The following WDR33 variants were observed in gnomAD, a reference collection of about 807,000 sequenced individuals.
WDR33 encodes pre-mRNA 3' end processing protein WDR33.
A neutral mutation model predicts 164.9 loss-of-function variants in WDR33; 47 were observed. The ratio of observed to expected loss-of-function variants is 0.29; its 90% confidence interval spans 0.23 to 0.36. The LOEUF is 0.36. Among genes scored for constraint, WDR33 ranks in the 10% least tolerant of loss-of-function variants. WDR33 has a pLI of 1.00. For synonymous variants in WDR33, 505 were observed against 589.0 expected (o/e 0.86, Z 2.06); for missense variants, 1,137 against 1,754.1 (o/e 0.65, Z 6.28).
chr2:127,730,943 A>G (rs997080288), intron 7 of WDR33, among the ~76,000 whole-genome samples: 11 of 102,788 alleles, frequency 1.1e-4, no homozygotes, highest in Admixed American at 2.9e-4. Context: ...AATATGAAGG[A>G]AAAAAAAAAC....
intron 18 of WDR33, among the ~76,000 whole-genome samples, chr2:127,711,780 A>ATATATATATTTTTTT: frequency 3.4e-5 from 3 of 88,320 alleles, no homozygotes; most frequent in African/African-American, 1.9e-4. Flanking sequence ...ATATATATAT[A>ATATATATATTTTTTT]TTTTTTTTTT....
At chr2:127,804,210 A>C (rs926459392) in intron 1 of WDR33, among the ~76,000 whole-genome samples, 1 of 151,974 alleles carries the variant, frequency 6.6e-6, no homozygotes, top group African/African-American at 2.4e-5. Context: ...AGTCCCAGCT[A>C]CTCGGGAGGT....
chr2:127,713,728 G>A lies in WDR33; in HGVS notation c.3163C>T (p.Pro1055Ser), dbSNP rs777072307. The change falls in exon 18 of 22, where the codon CCC (proline) becomes TCC (serine). Residue 1055 changes from proline to serine, a missense_variant. By Grantham distance (74) the Pro-to-Ser change is moderately conservative. Coordinates refer to ENST00000322313, the MANE Select transcript of WDR33 (RefSeq NM_018383.5). The surrounding 1 kb of genome is among the most constrained non-coding windows in gnomAD (Gnocchi z 6.2). ...WRRGGPGPPF[P>S]PDHREFSEGD... Reference sequence around the variant, plus strand: ...TCGCTGAATTCCCTGTGATCAGGGGGAAACGGAGGCCCAGGGCCCCCTCGC... The same window carrying A: ...TCGCTGAATTCCCTGTGATCAGGGGAAAACGGAGGCCCAGGGCCCCCTCGC... The A allele has an allele frequency of 3.7e-6, 6 of 1,614,224 alleles. No homozygotes were observed. The highest frequency in any genetic ancestry group is 5.1e-6 in the Non-Finnish European group (6 of 1,180,004).
At chr2:127,784,658 C>T (rs967439033) in intron 1 of WDR33, among the ~76,000 whole-genome samples, 2 of 152,244 alleles carry the variant, frequency 1.3e-5, no homozygotes, top group East Asian at 1.9e-4. Flanking sequence ...AGAGACTACA[C>T]GTGTGAGCCA....
Position 127,713,541 on chromosome 2 carries a change from C to T in WDR33, c.3308+42G>A. 3 of 1,595,474 alleles carry T rather than the reference C, an allele frequency of 1.9e-6. No individual in the cohort carries two copies. Among genetic ancestry groups the T allele is most frequent in the Non-Finnish European group, 1.7e-6 (2 of 1,171,090 alleles). ...CTTTGTGGAGACAGCAGATAAAAAG[C>T]TCCACTGAAGATGGAATGGGCCCAC... On this transcript the variant is annotated intron_variant, in intron 18 of 21. Transcript: ENST00000322313. This position sits in a 1 kb window ranked among gnomAD's most constrained non-coding sequence, Gnocchi z 6.2.
Position 127,735,059 on chromosome 2 carries a change from C to T in WDR33, c.725-8282G>A, listed in dbSNP as rs1686806138. 6.6e-6 allele frequency among the ~76,000 whole-genome samples: 1 copy of T among 152,196 alleles called. No homozygotes were observed. The highest frequency in any genetic ancestry group is 1.5e-5 in the Non-Finnish European group (1 of 68,024). ...ATTAGATATTTGGTGAACAGACATT[C>T]TAGACTTGCTTTGTAGATAGTGAAG... On this transcript the variant is annotated intron_variant, in intron 7 of 21. Transcript: ENST00000322313. The surrounding 1 kb of genome is among the most constrained non-coding windows in gnomAD (Gnocchi z 4.3).
chr2:127,750,712 ATG>A (rs1444649990), intron 7 of WDR33, among the ~76,000 whole-genome samples: 903 of 53,606 alleles, frequency 0.017, 30 homozygotes, highest in African/African-American at 0.062. Flanking sequence ...ATATATATAT[ATG>A]TATGTATGCA....
At chr2:127,780,071 T>G (rs1461690027) in intron 1 of WDR33, among the ~76,000 whole-genome samples, 6 of 151,370 alleles carry the variant, frequency 4.0e-5, no homozygotes, top group Non-Finnish European at 8.8e-5. Flanking sequence ...CCTCCCGGGT[T>G]CACGCCATTC....
At chr2:127,799,292 A>G (rs1005284273) in intron 1 of WDR33, among the ~76,000 whole-genome samples, 1 of 152,160 alleles carries the variant, frequency 6.6e-6, no homozygotes, top group African/African-American at 2.4e-5. Flanking sequence ...ACACCATAAA[A>G]AAATCAAAAC....
chr2:127,749,863 T>A (rs1163826969), intron 7 of WDR33, among the ~76,000 whole-genome samples: 1 of 147,544 alleles, frequency 6.8e-6, no homozygotes, highest in African/African-American at 2.5e-5. Flanking sequence ...TGAGACGGAG[T>A]CTCACTCTGC....
intron 3 of WDR33, among the ~76,000 whole-genome samples, chr2:127,768,608 G>C (rs1397762742): frequency 3.9e-5 from 6 of 151,992 alleles, no homozygotes; most frequent in Non-Finnish European, 8.8e-5. Flanking sequence ...TCCACATAAA[G>C]CTAATTAAGT....
chr2:127,769,094 T>C (rs1238373679), intron 2 of WDR33, 93 bp from the exon 3 acceptor site: 2 of 700,786 alleles, frequency 2.9e-6, no homozygotes, highest in East Asian at 9.3e-5. Flanking sequence ...TAACAAAATG[T>C]AAGCTATATT....
intron 7 of WDR33, 129 bp downstream of exon 7, chr2:127,762,933 G>A: frequency 2.7e-6 from 4 of 1,482,468 alleles, no homozygotes; most frequent in Non-Finnish European, 2.7e-6. Context: ...TTTTTGAAGA[G>A]CCTGAGACGG....
chr2:127,733,154 C>T (rs1438188609), intron 7 of WDR33, among the ~76,000 whole-genome samples: 12 of 152,066 alleles, frequency 7.9e-5, no homozygotes, highest in Non-Finnish European at 1.5e-5. Context: ...GATGAAAGAC[C>T]AGGCAGTTTT....
intron 7 of WDR33, among the ~76,000 whole-genome samples, chr2:127,761,823 C>G (rs958195560): frequency 1.3e-5 from 2 of 152,136 alleles, no homozygotes; most frequent in African/African-American, 4.8e-5. Context: ...GAGTAAACTC[C>G]CTCAATGTGA....
At chr2:127,769,406 G>A (rs1359266070) in intron 2 of WDR33, among the ~76,000 whole-genome samples, 4 of 151,894 alleles carry the variant, frequency 2.6e-5, no homozygotes, top group Non-Finnish European at 4.4e-5. Context: ...ACTCCAGCCT[G>A]CGCAACAGAG....
chr2:127,803,542 T>C (rs1206245709), intron 1 of WDR33, among the ~76,000 whole-genome samples: 1 of 152,094 alleles, frequency 6.6e-6, no homozygotes, highest in Non-Finnish European at 1.5e-5. Flanking sequence ...CACTCCAGCC[T>C]AGGTGACAGA....
Position 127,701,651 on chromosome 2 carries a change from G to A in WDR33, c.*4672C>T. On this transcript the variant is annotated 3_prime_UTR_variant, in exon 22 of 22. Transcript: ENST00000322313. ...AGGAGCCCGGGGACCGGCCGGCGGA[G>A]GAGTGGCTGGGCCGCGCGGGCTTGC... The A allele has an allele frequency of 8.5e-6, 11 of 1,299,276 alleles. No individual in the cohort carries two copies. Among genetic ancestry groups the A allele is most frequent in the Non-Finnish European group, 1.1e-5 (11 of 1,028,376 alleles). The allele number at this position is 1,299,276 out of a possible 1,614,324, so 80.5% of individuals were successfully genotyped here. A position where few individuals can be genotyped will look rare whatever the true frequency, so the allele number is the denominator to read the frequency against.
chr2:127,777,805 T>A (rs1003925309), intron 1 of WDR33, among the ~76,000 whole-genome samples: 5 of 152,050 alleles, frequency 3.3e-5, no homozygotes, highest in Non-Finnish European at 7.4e-5. Flanking sequence ...TAGAGACAGA[T>A]CTTGCTTTGT....
Sources: gnomAD v4.1 joint callset for allele counts (sites outside exome capture counted in the v4.1 genomes callset) on GRCh38, gnomAD v4.1.1 for gene constraint, Gnocchi (gnomAD v3.1) non-coding constraint, MANE v1.5 for transcripts, NCBI Gene and HGNC (gene_info 2026-07-23, HGNC 2026-07-21) for gene names.